Variants in CDH13 observed in about 807,000 individuals in gnomAD.
The protein encoded by CDH13 is cadherin-13.
In CDH13, 24 loss-of-function variants were observed where a neutral mutation model predicts 63.8. The ratio of observed to expected loss-of-function variants is 0.38; its 90% CI spans 0.27 to 0.53. The LOEUF (loss-of-function observed/expected upper bound fraction) is 0.53, where lower values mean the gene tolerates loss of function less well. Among genes scored for constraint, CDH13 ranks in the 20% least tolerant of loss-of-function variants. The probability of loss-of-function intolerance (pLI) is 0.85; values close to 1 mark genes in which losing one functional copy is unlikely to be tolerated. For synonymous variants in CDH13, 503 were observed against 355.3 expected (o/e 1.42, Z -4.67); for missense variants, 1,049 against 903.1 (o/e 1.16, Z -2.07).
chr16:83,349,957 T>C (rs1330859641), intron 6 of CDH13, among the ~76,000 whole-genome samples: 2 of 152,112 alleles, frequency 1.3e-5, no homozygotes, highest in Admixed American at 6.5e-5. Context: ...TTATCCTTTT[T>C]GGGGAGCTCA....
intron 6 of CDH13, 128 bp downstream of exon 6, chr16:83,345,134 T>C (rs748623223): frequency 9.7e-6 from 10 of 1,033,336 alleles, no homozygotes; most frequent in Non-Finnish European, 1.4e-5. Flanking sequence ...ACTTAATACT[T>C]CCCTGCGTAG....
chr16:83,149,698 A>T (rs1032853616), intron 4 of CDH13, among the ~76,000 whole-genome samples: 5 of 152,174 alleles, frequency 3.3e-5, no homozygotes, highest in Admixed American at 6.5e-5. Flanking sequence ...ATTTCTCAAA[A>T]GCTCTTCATG....
At chr16:83,105,157 C>T (rs1464322736) in intron 3 of CDH13, among the ~76,000 whole-genome samples, 3 of 152,156 alleles carry the variant, frequency 2.0e-5, no homozygotes, top group African/African-American at 7.2e-5. Context: ...AGAGGAGGAT[C>T]GATTTCACCC....
At chr16:83,546,213 G>A (rs962697245) in intron 7 of CDH13, among the ~76,000 whole-genome samples, 5 of 150,782 alleles carry the variant, frequency 3.3e-5, no homozygotes, top group African/African-American at 1.2e-4. Context: ...GGACGTCTTG[G>A]TAGATACCTC....
chr16:83,218,059 T>C (rs2039592256), intron 5 of CDH13, among the ~76,000 whole-genome samples: 1 of 152,062 alleles, frequency 6.6e-6, no homozygotes, highest in Admixed American at 6.6e-5. Context: ...ACCAATGGAG[T>C]ATTTGCACAT....
chr16:83,533,448 C>T (rs981351219), intron 7 of CDH13, among the ~76,000 whole-genome samples: 8 of 151,938 alleles, frequency 5.3e-5, no homozygotes, highest in African/African-American at 1.9e-4. Flanking sequence ...TGCCTGAAGC[C>T]GACAGACAGG....
intron 6 of CDH13, among the ~76,000 whole-genome samples, chr16:83,470,203 T>G (rs973607694): frequency 6.6e-6 from 1 of 152,128 alleles, no homozygotes; most frequent in Non-Finnish European, 1.5e-5. Flanking sequence ...CTGCTGGTGT[T>G]TTTCTGTGTG....
At chr16:83,197,799 C>T (rs1475146109) in intron 4 of CDH13, among the ~76,000 whole-genome samples, 2 of 126,250 alleles carry the variant, frequency 1.6e-5, no homozygotes, top group African/African-American at 6.2e-5. Context: ...CACTCATATG[C>T]TCACACACTC....
intron 7 of CDH13, among the ~76,000 whole-genome samples, chr16:83,584,845 A>G (rs59612941): frequency 0.013 from 1,957 of 152,280 alleles, 38 homozygotes; most frequent in East Asian, 0.093. Context: ...AAAGCTTACA[A>G]TCACGGCAGA....
intron 1 of CDH13, chr16:82,823,637 A>G (rs2038107874): frequency 6.6e-6 from 1 of 152,182 alleles, no homozygotes; most frequent in Admixed American, 6.5e-5. Flanking sequence ...GCAAAGGGAA[A>G]TCTTAAAGTA....
intron 3 of CDH13, among the ~76,000 whole-genome samples, chr16:83,052,776 C>CAAAAAAAAAA (rs71148805): frequency 7.5e-5 from 7 of 92,916 alleles, no homozygotes; most frequent in Non-Finnish European, 1.2e-4. Flanking sequence ...GACTTTATCT[C>CAAAAAAAAAA]AAAAAAAAAA....
intron 3 of CDH13, among the ~76,000 whole-genome samples, chr16:83,117,562 G>A (rs1189280130): frequency 6.6e-6 from 1 of 151,662 alleles, no homozygotes; most frequent in Non-Finnish European, 1.5e-5. Flanking sequence ...TACAATTGAA[G>A]CTTCATGAGG....
intron 10 of CDH13, among the ~76,000 whole-genome samples, chr16:83,713,524 T>A (rs9927220): frequency 0.16 from 24,482 of 148,678 alleles, 2,093 homozygotes; most frequent in East Asian, 0.3. Flanking sequence ...AAAAAAAAAA[T>A]TTCCTCTTCA....
chr16:82,933,797 C>G (rs890791982), intron 2 of CDH13, among the ~76,000 whole-genome samples: 3 of 152,198 alleles, frequency 2.0e-5, no homozygotes, highest in African/African-American at 7.2e-5. Context: ...TGAAATCCAA[C>G]AAGGCAGTAA....
chr16:82,684,251 G>A (rs1004731566), intron 1 of CDH13, among the ~76,000 whole-genome samples: 1 of 152,172 alleles, frequency 6.6e-6, no homozygotes, highest in East Asian at 1.9e-4. Context: ...AGAACGAAAC[G>A]GTGACTGTGA....
intron 6 of CDH13, among the ~76,000 whole-genome samples, chr16:83,481,615 G>A (rs868328574): frequency 6.6e-5 from 10 of 152,300 alleles, no homozygotes; most frequent in Middle Eastern, 6.8e-3. Flanking sequence ...TCAGGCTGGC[G>A]GCCGTGTCCT....
At chr16:83,411,629 C>T (rs1201424074) in intron 6 of CDH13, among the ~76,000 whole-genome samples, 2 of 152,186 alleles carry the variant, frequency 1.3e-5, no homozygotes, top group Non-Finnish European at 2.9e-5. Flanking sequence ...CTCAAATAAC[C>T]TATGATACTG....
rs116278608 is a variant in CDH13 at position 82,886,119 on chromosome 16, G to C, written c.157+27646G>C. On this transcript the variant is annotated intron_variant, in intron 2 of 13. Transcript: ENST00000567109. ...ATCTGTTTCATCAGCTCATTTTAAA[G>C]GTTTCTTTAATAGCTGAAAAATATT... Among the ~76,000 whole-genome samples, 1,230 of 152,136 alleles carry C rather than the reference G, an allele frequency of 8.1e-3. 11 individuals carry two copies. The highest frequency in any genetic ancestry group is 0.026 in the African/African-American group (1,069 of 41,494).
intron 2 of CDH13, among the ~76,000 whole-genome samples, chr16:83,002,635 A>G (rs1346531243): frequency 6.6e-6 from 1 of 152,216 alleles, no homozygotes; most frequent in Non-Finnish European, 1.5e-5. Context: ...TTGGGTTGTG[A>G]TCAATGTAAC....
Sources: gnomAD v4.1 joint callset for allele counts (sites outside exome capture counted in the v4.1 genomes callset) on GRCh38, gnomAD v4.1.1 for gene constraint, MANE v1.5 for transcripts, NCBI Gene and HGNC (gene_info 2026-07-23, HGNC 2026-07-21) for gene names.